SDK2: variants seen among roughly 807,000 people sequenced by gnomAD.
SDK2 encodes the protein protein sidekick-2.
In SDK2, 105 loss-of-function variants were observed where a neutral mutation model predicts 253.9. That is an observed-to-expected ratio of 0.41 (90% CI 0.35 to 0.49). The LOEUF (loss-of-function observed/expected upper bound fraction) is 0.49. Ranked by LOEUF, SDK2 falls within the 20% of genes least tolerant of loss-of-function variation. The probability of loss-of-function intolerance (pLI) is 0.06; values close to 1 mark genes in which losing one functional copy is unlikely to be tolerated. For synonymous variants in SDK2, 1,249 were observed against 1,234.9 expected, an observed-to-expected ratio of 1.01 and a Z score of -0.24; for missense variants, 2,608 against 3,003.0, an observed-to-expected ratio of 0.87 and a Z score of 3.07.
At chr17:73,474,191 A>C (rs577722595) in intron 2 of SDK2, among the ~76,000 whole-genome samples, 2 of 152,302 alleles carry the variant, frequency 1.3e-5, no homozygotes, top group Non-Finnish European at 2.9e-5. Context: ...TTTTAAACTT[A>C]AATTTTACAC....
intron 39 of SDK2, among the ~76,000 whole-genome samples, chr17:73,358,994 C>T (rs746035039): frequency 3.7e-4 from 56 of 152,092 alleles, no homozygotes; most frequent in Middle Eastern, 6.8e-3. Context: ...AGGTATCTGT[C>T]TGCAAGGGGC....
chr17:73,493,701 G>A (rs1357844167), intron 2 of SDK2, among the ~76,000 whole-genome samples: 2 of 152,236 alleles, frequency 1.3e-5, no homozygotes, highest in Non-Finnish European at 2.9e-5. Context: ...GATCCTCACA[G>A]CCCTCCTTGT....
chr17:73,437,619 ACT>A, intron 8 of SDK2, 118 bp downstream of exon 8: 3 of 873,826 alleles, frequency 3.4e-6, no homozygotes, highest in Non-Finnish European at 5.8e-6. Context: ...AGCCAGACAG[ACT>A]CTCTGCCTAG....
Position 73,370,080 on chromosome 17 carries a change from G to A in SDK2, c.4981-1487C>T, listed in dbSNP as rs74965359. Among the ~76,000 whole-genome samples, 502 of 152,310 alleles carry A rather than the reference G, an allele frequency of 3.3e-3. 2 individuals are homozygous for A. Among genetic ancestry groups the A allele is most frequent in the Non-Finnish European group, 5.1e-3 (344 of 68,022 alleles). Reference sequence around the variant, plus strand: ...CATTTGGCGCCCCCTGCTGGCCAATGAGGTTTCTGCATGTCACCGGCTTTT... The same window carrying A: ...CATTTGGCGCCCCCTGCTGGCCAATAAGGTTTCTGCATGTCACCGGCTTTT... On this transcript the variant is annotated intron_variant, in intron 36 of 44. Transcript: ENST00000392650.
In SDK2 at chr17:73,559,361, G is replaced by A. The variant is rs1416784990; in HGVS notation, c.65-51764C>T. Among the ~76,000 whole-genome samples, 3 of 152,220 alleles carry A rather than the reference G, an allele frequency of 2.0e-5. No homozygotes were observed. The East Asian group carries it at 5.8e-4, about 29-fold the overall frequency. On this transcript the variant is annotated intron_variant, in intron 1 of 44. Coordinates refer to ENST00000392650, the MANE Select transcript of SDK2 (RefSeq NM_001144952.2). ...GGCAATGAGGATGAAATGGGACAAT[G>A]TACGCAAGACTGTTGGCAAGAAGCA...
intron 1 of SDK2, among the ~76,000 whole-genome samples, chr17:73,514,524 C>T (rs193037537): frequency 6.6e-6 from 1 of 152,274 alleles, no homozygotes; most frequent in Non-Finnish European, 1.5e-5. Flanking sequence ...CTGGGAACCG[C>T]ACCTCCTGTG....
At chr17:73,620,500 C>T (rs2046120434) in intron 1 of SDK2, among the ~76,000 whole-genome samples, 1 of 152,200 alleles carries the variant, frequency 6.6e-6, no homozygotes, top group African/African-American at 2.4e-5. Context: ...AGAATTACCA[C>T]ATGATTCAAT....
Position 73,338,359 on chromosome 17 carries a change from C to G in SDK2, c.*228G>C. 1 of 675,472 alleles carries G rather than the reference C, an allele frequency of 1.5e-6. No homozygotes were observed. The highest frequency in any genetic ancestry group is 2.7e-6 in the Non-Finnish European group (1 of 367,774). The allele number at this position is 675,472 out of a possible 1,614,324, so 41.8% of individuals were successfully genotyped here. ...GTGTAATTCCCAAGGGAGCAGTGAA[C>G]CCCACCATCTCAAAGCTGAAGAGCT... On this transcript the variant is annotated 3_prime_UTR_variant, in exon 45 of 45. Transcript: ENST00000392650. This position sits in a 1 kb window ranked among gnomAD's most constrained non-coding sequence, Gnocchi z 5.0.
At chr17:73,568,695 T>G (rs1404657773) in intron 1 of SDK2, among the ~76,000 whole-genome samples, 1 of 152,070 alleles carries the variant, frequency 6.6e-6, no homozygotes, top group African/African-American at 2.4e-5. Flanking sequence ...AAAAAGTAGT[T>G]AAAGGAATAA....
intron 1 of SDK2, among the ~76,000 whole-genome samples, chr17:73,632,969 T>C (rs1188310661): frequency 6.6e-6 from 1 of 152,146 alleles, no homozygotes; most frequent in Non-Finnish European, 1.5e-5. Flanking sequence ...TGGAGTAGAA[T>C]GCACATATTC....
intron 15 of SDK2, among the ~76,000 whole-genome samples, chr17:73,421,630 C>T (rs565515236): frequency 1.6e-5 from 2 of 124,056 alleles, no homozygotes; most frequent in East Asian, 4.5e-4. Flanking sequence ...GGCTGGATCT[C>T]GACTCACTGC....
chr17:73,499,896 TGTGTGTG>T (rs2063872983), intron 2 of SDK2, among the ~76,000 whole-genome samples: 1 of 148,110 alleles, frequency 6.8e-6, no homozygotes, highest in African/African-American at 2.5e-5. Flanking sequence ...TGTGTGTGTG[TGTGTGTG>T]TGTGTGTTTG....
intron 21 of SDK2, 72 bp downstream of exon 21, chr17:73,400,948 G>T (rs947073128): frequency 1.1e-5 from 16 of 1,441,312 alleles, no homozygotes; most frequent in Non-Finnish European, 1.4e-5. Flanking sequence ...ACGCCCAGCC[G>T]ACAAGGGGCC....
chr17:73,578,433 A>G (rs956104562), intron 1 of SDK2, among the ~76,000 whole-genome samples: 1 of 152,078 alleles, frequency 6.6e-6, no homozygotes, highest in Admixed American at 6.5e-5. Flanking sequence ...TAAGATAACA[A>G]ATTTGTATTG....
chr17:73,349,889 T>C (rs2062519131), intron 43 of SDK2, among the ~76,000 whole-genome samples: 1 of 152,200 alleles, frequency 6.6e-6, no homozygotes, highest in African/African-American at 2.4e-5. Flanking sequence ...GCTGTTTCCC[T>C]GGCAGTTGGC....
At chr17:73,488,241 C>A (rs1282509890) in intron 2 of SDK2, among the ~76,000 whole-genome samples, 1 of 152,170 alleles carries the variant, frequency 6.6e-6, no homozygotes, top group African/African-American at 2.4e-5. Context: ...TGGTCTCGAT[C>A]TCCTAACCTT....
chr17:73,532,541 G>C (rs1300890307), intron 1 of SDK2, among the ~76,000 whole-genome samples: 1 of 152,206 alleles, frequency 6.6e-6, no homozygotes, highest in Admixed American at 6.5e-5. Flanking sequence ...CTTCCTCCAG[G>C]AGCCAGGGCG....
intron 1 of SDK2, among the ~76,000 whole-genome samples, chr17:73,604,167 C>T (rs932298477): frequency 3.3e-5 from 5 of 152,164 alleles, no homozygotes; most frequent in African/African-American, 9.7e-5. Flanking sequence ...GGTGGGGGTC[C>T]GTGGAAATAA....
chr17:73,498,596 T>C (rs1481848390), intron 2 of SDK2, among the ~76,000 whole-genome samples: 2 of 152,218 alleles, frequency 1.3e-5, no homozygotes, highest in African/African-American at 2.4e-5. Flanking sequence ...CTGGCACTTG[T>C]CTTAACTTTA....
Sources: allele counts gnomAD v4.1 joint callset (sites outside exome capture counted in the v4.1 genomes callset), GRCh38; gene constraint gnomAD v4.1.1; non-coding constraint Gnocchi (gnomAD v3.1); transcripts MANE v1.5; gene names NCBI Gene and HGNC (gene_info 2026-07-23, HGNC 2026-07-21).